Variants in ZNF148 observed in about 807,000 individuals in gnomAD.
ZNF148 encodes zinc finger protein 148.
In ZNF148, 7 loss-of-function variants were observed where a neutral mutation model predicts 67.7. The observed-to-expected ratio is 0.10, with a 90% confidence interval of 0.06 to 0.19. ZNF148 has a LOEUF of 0.19. Among genes scored for constraint, ZNF148 ranks in the 10% least tolerant of loss-of-function variants. The probability of loss-of-function intolerance (pLI) is 1.00; values close to 1 mark genes in which losing one functional copy is unlikely to be tolerated. For synonymous variants in ZNF148, 333 were observed against 330.7 expected, an observed-to-expected ratio of 1.01 and a Z score of -0.08; for missense variants, 583 against 947.1, an observed-to-expected ratio of 0.62 and a Z score of 5.05.
chr3:125,255,236 CTTTTTTTTTTTTT>C lies in ZNF148; in HGVS notation c.668-20920_668-20908del, dbSNP rs59309462. Among the ~76,000 whole-genome samples the C allele has an allele frequency of 1.3e-4, 8 of 62,170 alleles. 1 individual carries two copies. In the South Asian group the frequency reaches 2.9e-3, roughly 23 times the overall value. 40.8% of individuals were successfully genotyped at this position (62,170 alleles called of 152,430 possible). A position where few individuals can be genotyped will look rare whatever the true frequency, so the allele number is the denominator to read the frequency against. ...TTTAGTGATTTAATGTCTCCACCTG[CTTTTTTTTTTTTT>C]TTTTTTTTTTTTTTTGAGACGGTGT... On this transcript the variant is annotated intron_variant, in intron 7 of 8. Coordinates refer to ENST00000360647, the MANE Select transcript of ZNF148 (RefSeq NM_021964.3).
chr3:125,374,749 G>A (rs537578599), intron 1 of ZNF148, among the ~76,000 whole-genome samples: 1 of 152,034 alleles, frequency 6.6e-6, no homozygotes, highest in African/African-American at 2.4e-5. Context: ...TGTCTCCCTA[G>A]CCTTTTCACA....
intron 7 of ZNF148, among the ~76,000 whole-genome samples, chr3:125,272,417 G>C (rs903485690): frequency 6.6e-6 from 1 of 152,124 alleles, no homozygotes; most frequent in Admixed American, 6.5e-5. Flanking sequence ...ATTCTATATA[G>C]ATTTGAGGGG....
intron 7 of ZNF148, among the ~76,000 whole-genome samples, chr3:125,248,124 C>T (rs766917846): frequency 2.0e-5 from 3 of 152,148 alleles, no homozygotes; most frequent in Non-Finnish European, 4.4e-5. Flanking sequence ...TTACTGTAAA[C>T]ACCATCTAAA....
intron 1 of ZNF148, among the ~76,000 whole-genome samples, chr3:125,339,537 C>T (rs1311946060): frequency 6.6e-6 from 1 of 152,128 alleles, no homozygotes; most frequent in Non-Finnish European, 1.5e-5. Context: ...TCCCTAGCAA[C>T]CTCTTGAGCT....
chr3:125,298,346 T>TACACACACACACAC (rs141809192), intron 4 of ZNF148, among the ~76,000 whole-genome samples: 5,933 of 145,690 alleles, frequency 0.041, 182 homozygotes, highest in African/African-American at 0.08. Context: ...TAAATGTGCA[T>TACACACACACACAC]ACACACACAC....
chr3:125,370,367 T>C (rs1259288893), intron 1 of ZNF148, among the ~76,000 whole-genome samples: 2 of 152,186 alleles, frequency 1.3e-5, no homozygotes, highest in Non-Finnish European at 2.9e-5. Context: ...AGCAATTTCA[T>C]ACAATCCCAC....
At chr3:125,316,319 T>C (rs1451190047) in intron 3 of ZNF148, among the ~76,000 whole-genome samples, 1 of 152,222 alleles carries the variant, frequency 6.6e-6, no homozygotes, top group African/African-American at 2.4e-5. Flanking sequence ...GGAGTGCAAC[T>C]ATCTTTTAAT....
intron 1 of ZNF148, among the ~76,000 whole-genome samples, chr3:125,354,590 T>C (rs995596373): frequency 2.0e-5 from 3 of 152,242 alleles, no homozygotes; most frequent in African/African-American, 7.2e-5. Context: ...ATAACAGATT[T>C]ACAATCAGCA....
At chr3:125,346,326 TA>T (rs1941939822) in intron 1 of ZNF148, among the ~76,000 whole-genome samples, 1 of 152,162 alleles carries the variant, frequency 6.6e-6, no homozygotes, top group Non-Finnish European at 1.5e-5. Context: ...CTCAACCTGA[TA>T]AAGGCCATCT....
chr3:125,300,846 C>G (rs1456393122), intron 4 of ZNF148, among the ~76,000 whole-genome samples: 1 of 152,118 alleles, frequency 6.6e-6, no homozygotes, highest in African/African-American at 2.4e-5. Context: ...GAACATAAGT[C>G]CTTCCTCTTA....
At chr3:125,350,541 T>C (rs1942108251) in intron 1 of ZNF148, among the ~76,000 whole-genome samples, 1 of 152,120 alleles carries the variant, frequency 6.6e-6, no homozygotes, top group Non-Finnish European at 1.5e-5. Context: ...AGGGACTGGT[T>C]TCACGGAAGA....
At chr3:125,274,652 G>C (rs1260527299) in intron 7 of ZNF148, among the ~76,000 whole-genome samples, 1 of 152,182 alleles carries the variant, frequency 6.6e-6, no homozygotes, top group Non-Finnish European at 1.5e-5. Context: ...CAGCTACCAA[G>C]CAAGTAATGA....
intron 1 of ZNF148, among the ~76,000 whole-genome samples, chr3:125,334,539 T>C (rs765539420): frequency 6.6e-6 from 1 of 152,172 alleles, no homozygotes; most frequent in Non-Finnish European, 1.5e-5. Flanking sequence ...ATATATGCAA[T>C]ATGTAAGCAA....
chr3:125,342,540 C>T (rs1437136095), intron 1 of ZNF148, among the ~76,000 whole-genome samples: 1 of 151,750 alleles, frequency 6.6e-6, no homozygotes, highest in Non-Finnish European at 1.5e-5. Context: ...AGTGAAACTG[C>T]CCTTCAGAAA....
intron 1 of ZNF148, among the ~76,000 whole-genome samples, chr3:125,353,434 G>A (rs1158614316): frequency 1.3e-5 from 2 of 151,800 alleles, no homozygotes; most frequent in Non-Finnish European, 2.9e-5. Flanking sequence ...AATAAGTGCA[G>A]GTTTAAAAAG....
intron 1 of ZNF148, among the ~76,000 whole-genome samples, chr3:125,350,220 C>A (rs188878504): frequency 6.6e-6 from 1 of 152,086 alleles, no homozygotes; most frequent in South Asian, 2.1e-4. Context: ...AGTGCAGTGG[C>A]GCAATCTCGG....
chr3:125,331,194 AGATCACGT>A lies in ZNF148; in HGVS notation c.-197_-190del, dbSNP rs1941276334. 2.5e-6 allele frequency: 1 copy of A among 398,600 alleles called. No individual in the cohort carries two copies. Among genetic ancestry groups the A allele is most frequent in the East Asian group, 3.6e-5 (1 of 28,068 alleles). 24.7% of individuals were successfully genotyped at this position (398,600 alleles called of 1,614,324 possible). A position where few individuals can be genotyped will look rare whatever the true frequency, so the allele number is the denominator to read the frequency against. On this transcript the variant is annotated 5_prime_UTR_variant, in exon 2 of 9. Transcript: ENST00000360647. The stretch of plus-strand genomic sequence containing the variant: ...ACGTTAGGCAAACGCCCATCCCGCC[AGATCACGT>A]GCTTGAATTTCCAAGCTGCTGATTC...
intron 1 of ZNF148, among the ~76,000 whole-genome samples, chr3:125,337,510 T>A (rs1461520777): frequency 2.0e-5 from 3 of 152,152 alleles, no homozygotes; most frequent in African/African-American, 7.2e-5. Context: ...CTTACATAAG[T>A]TTTTACTGAA....
chr3:125,286,201 A>C (rs1043311168), intron 5 of ZNF148, among the ~76,000 whole-genome samples: 6 of 152,188 alleles, frequency 3.9e-5, no homozygotes, highest in South Asian at 4.1e-4. Context: ...AAGAACCCCC[A>C]AAAATGATAT....
Sources: allele counts gnomAD v4.1 joint callset (sites outside exome capture counted in the v4.1 genomes callset), GRCh38; gene constraint gnomAD v4.1.1; transcripts MANE v1.5; gene names NCBI Gene and HGNC (gene_info 2026-07-23, HGNC 2026-07-21).